Variants in LPIN1 observed in about 807,000 individuals in gnomAD.
The protein encoded by LPIN1 is lipin 1.
A neutral mutation model predicts 107.5 loss-of-function variants in LPIN1; 71 were observed. The observed-to-expected ratio is 0.66, with a 90% CI of 0.55 to 0.80. The LOEUF (loss-of-function observed/expected upper bound fraction) is 0.80, where lower values mean the gene tolerates loss of function less well. Among genes scored for constraint, LPIN1 ranks in the 30% least tolerant of loss-of-function variants. The pLI is 0.00. For missense variants in LPIN1, 1,043 were observed against 1,160.6 expected (o/e 0.90, Z 1.47); for synonymous variants, 445 against 452.6 (o/e 0.98, Z 0.21).
At chr2:11,739,315 G>A (rs951414607) in intron 1 of LPIN1, among the ~76,000 whole-genome samples, 2 of 152,204 alleles carry the variant, frequency 1.3e-5, no homozygotes, top group South Asian at 4.1e-4. Flanking sequence ...CCTTGACTGC[G>A]ACCTCACGAG....
chr2:11,691,378 G>A (rs979403060), intron 1 of LPIN1, among the ~76,000 whole-genome samples: 1 of 152,138 alleles, frequency 6.6e-6, no homozygotes, highest in Non-Finnish European at 1.5e-5. Flanking sequence ...CAGTAGGGCT[G>A]CAGACATGTT....
rs1448380951 is a variant in LPIN1, at chr2:11,771,898, T to C, written c.596+219T>C. On this transcript the variant is annotated intron_variant, in intron 4 of 20. Transcript: ENST00000674199. The surrounding 1 kb of genome is among the most constrained non-coding windows in gnomAD (Gnocchi z 4.8). ...GGAGGACTCAAGCATATTACATTTA[T>C]TGTGCTCTTTATTTCCATTACTATT... Among the ~76,000 whole-genome samples, 1 of 152,204 alleles carries C rather than the reference T, an allele frequency of 6.6e-6. No homozygotes were observed. Among genetic ancestry groups the C allele is most frequent in the East Asian group, 1.9e-4 (1 of 5,198 alleles).
intron 6 of LPIN1, 41 bp downstream of exon 6, chr2:11,776,234 GA>G: frequency 7.7e-7 from 1 of 1,292,484 alleles, no homozygotes; most frequent in Non-Finnish European, 1.1e-6. Flanking sequence ...ATTCAATAAT[GA>G]AAAATTTGAT....
rs1670743014 is a variant in LPIN1, at chr2:11,765,663, G to A, written c.122G>A (p.Gly41Glu). 2 of 1,613,996 alleles carry A rather than the reference G, an allele frequency of 1.2e-6. No homozygotes were observed. The highest frequency in any genetic ancestry group is 1.7e-6 in the Non-Finnish European group (2 of 1,179,994). ...ATCATTGTCATCCGCCAGCCCAATG[G>A]AAACCTCCAATGCTCCCCTTTCCAC... ...IDIIVIRQPN[G>E]NLQCSPFHVR... The change falls in exon 2 of 21, where the codon GGA becomes GAA. Residue 41 changes from glycine (G) to glutamate (E), a missense_variant. By Grantham distance (98) the Gly-to-Glu change is moderately conservative. Transcript: ENST00000674199. This position sits in a 1 kb window ranked among gnomAD's most constrained non-coding sequence, Gnocchi z 4.4.
Position 11,786,090 on chromosome 2 carries a change from T to G in LPIN1, c.1550-984T>G, listed in dbSNP as rs983084378. On this transcript the variant is annotated intron_variant, in intron 10 of 20. Transcript: ENST00000674199. The surrounding 1 kb of genome is among the most constrained non-coding windows in gnomAD (Gnocchi z 4.1). The stretch of plus-strand genomic sequence containing the variant: ...GGTGGGGTGGCAGCACTGACAAGGC[T>G]GGGCACCGTTATCTGAGTGTTATCT... 6.6e-6 allele frequency among the ~76,000 whole-genome samples: 1 copy of G among 152,068 alleles called. No homozygotes were observed. The highest frequency in any genetic ancestry group is 1.5e-5 in the Non-Finnish European group (1 of 67,994).
chr2:11,746,652 G>GC lies in LPIN1; in HGVS notation c.-27dup. 28 of 985,268 alleles carry GC rather than the reference G, an allele frequency of 2.8e-5. No individual in the cohort carries two copies. The highest frequency in any genetic ancestry group is 3.3e-5 in the Non-Finnish European group (27 of 829,852). 61.0% of individuals were successfully genotyped at this position (985,268 alleles called of 1,614,324 possible). A position where few individuals can be genotyped will look rare whatever the true frequency, so the allele number is the denominator to read the frequency against. The stretch of plus-strand genomic sequence containing the variant: ...GCTGGGTGTTTGCAATACAAAGGCG[G>GC]CCACGCGCGGCGCCGCTCGGTGAGT... On this transcript the variant is annotated 5_prime_UTR_variant, in exon 1 of 21. Transcript: ENST00000674199.
At chr2:11,689,407 G>C (rs879560830) in intron 1 of LPIN1, among the ~76,000 whole-genome samples, 1 of 152,096 alleles carries the variant, frequency 6.6e-6, no homozygotes, top group Admixed American at 6.6e-5. Flanking sequence ...GACCTGACGA[G>C]GTCCTTTCAG....
At chr2:11,790,910 C>T (rs892030658) in intron 12 of LPIN1, among the ~76,000 whole-genome samples, 1 of 152,142 alleles carries the variant, frequency 6.6e-6, no homozygotes, top group Non-Finnish European at 1.5e-5. Context: ...TTCAAATGAA[C>T]ATTAGAATCA....
At chr2:11,679,457 C>T (rs1179783702) in intron 1 of LPIN1, among the ~76,000 whole-genome samples, 2 of 152,230 alleles carry the variant, frequency 1.3e-5, no homozygotes, top group Non-Finnish European at 2.9e-5. Context: ...GTAGCATATA[C>T]AGGAAAGTTT....
intron 1 of LPIN1, among the ~76,000 whole-genome samples, chr2:11,685,684 C>G (rs1186804964): frequency 6.6e-6 from 1 of 152,154 alleles, no homozygotes; most frequent in Admixed American, 6.6e-5. Context: ...TAGCAGGTGT[C>G]TTTTCTAGGC....
intron 1 of LPIN1, among the ~76,000 whole-genome samples, chr2:11,734,911 G>A (rs1248387538): frequency 2.6e-5 from 4 of 152,266 alleles, no homozygotes; most frequent in East Asian, 3.9e-4. Flanking sequence ...TTACCCTTGC[G>A]TTAGAAAGGA....
chr2:11,785,042 C>CG lies in LPIN1; in HGVS notation c.1520dup (p.Leu508ProfsTer31). 2.6e-6 allele frequency: 4 copies of CG among 1,563,524 alleles called. No homozygotes were observed. Among genetic ancestry groups the CG allele is most frequent in the Non-Finnish European group, 2.6e-6 (3 of 1,153,200 alleles). On this transcript the variant is annotated frameshift_variant, in exon 10 of 21. Coordinates refer to ENST00000674199, the MANE Select transcript of LPIN1 (RefSeq NM_001349206.2). LOFTEE classifies it high-confidence loss of function. ...TCCCTTCCATCGCCATCTCCCTCTG[C>CG]GGGGGCCTCAGCGACCACCGGGAGA...
At chr2:11,732,278 A>G (rs887717446) in intron 1 of LPIN1, among the ~76,000 whole-genome samples, 3 of 152,230 alleles carry the variant, frequency 2.0e-5, no homozygotes, top group Non-Finnish European at 4.4e-5. Context: ...TATTTATAAC[A>G]GAAAGAAATA....
chr2:11,719,638 A>G (rs1447921997), upstream of LPIN1, among the ~76,000 whole-genome samples: 3 of 152,160 alleles, frequency 2.0e-5, no homozygotes, highest in Non-Finnish European at 4.4e-5. Context: ...ACGGAAAATA[A>G]ATGCATGTTT....
At chr2:11,742,924 C>T (rs871674), upstream of LPIN1, among the ~76,000 whole-genome samples, 5,516 of 152,274 alleles carry the variant, frequency 0.036, 331 homozygotes, top group African/African-American at 0.13. Flanking sequence ...CTGGCTGGCC[C>T]GTGGTTCATT....
At chr2:11,775,215 A>T (rs1163285191) in intron 5 of LPIN1, among the ~76,000 whole-genome samples, 1 of 152,222 alleles carries the variant, frequency 6.6e-6, no homozygotes, top group Non-Finnish European at 1.5e-5. Context: ...TATATTGGAC[A>T]GTGCAGATAT....
At position 11,707,410 on chromosome 2, in the gene LPIN1, G is replaced by A. The variant is rs1022555713; in HGVS notation, c.82-6346G>A. Among the ~76,000 whole-genome samples, 3 of 152,212 alleles carry A rather than the reference G, an allele frequency of 2.0e-5. No homozygotes were observed. Among genetic ancestry groups the A allele is most frequent in the African/African-American group, 7.2e-5 (3 of 41,450 alleles). Reference sequence around the variant, plus strand: ...GGATGATGAAGAGGTGGCAGGAGGTGAGTCCGGAACCGTGGCCAGACCCCC... The same window carrying A: ...GGATGATGAAGAGGTGGCAGGAGGTAAGTCCGGAACCGTGGCCAGACCCCC... On this transcript the variant is annotated intron_variant, in intron 1 of 21. Coordinates refer to the LPIN1 transcript ENST00000449576. The surrounding 1 kb of genome is among the most constrained non-coding windows in gnomAD (Gnocchi z 4.2).
intron 1 of LPIN1, among the ~76,000 whole-genome samples, chr2:11,751,617 C>G (rs1207073088): frequency 6.6e-6 from 1 of 152,142 alleles, no homozygotes; most frequent in Non-Finnish European, 1.5e-5. Flanking sequence ...CTTTCGGAGG[C>G]CGAGATGGGT....
At chr2:11,710,988 T>C (rs1663377820) in intron 1 of LPIN1, among the ~76,000 whole-genome samples, 1 of 152,220 alleles carries the variant, frequency 6.6e-6, no homozygotes, top group South Asian at 2.1e-4. Context: ...CAAACCAGAC[T>C]CTTGGGGGTC....
Sources: allele counts gnomAD v4.1 joint callset (sites outside exome capture counted in the v4.1 genomes callset), GRCh38; gene constraint gnomAD v4.1.1; non-coding constraint Gnocchi (gnomAD v3.1); transcripts MANE v1.5; gene names NCBI Gene and HGNC (gene_info 2026-07-23, HGNC 2026-07-21).